Variants in WDFY3 observed in about 807,000 individuals in gnomAD.
WDFY3 encodes the protein WD repeat and FYVE domain-containing protein 3.
WDFY3 carries 66 observed loss-of-function variants against 409.6 expected under a neutral mutation model. The ratio of observed to expected loss-of-function variants is 0.16; its 90% confidence interval spans 0.13 to 0.20. The LOEUF (loss-of-function observed/expected upper bound fraction) is 0.20, where lower values mean the gene tolerates loss of function less well. WDFY3 is among the 10% of genes least tolerant of loss of function. The pLI is 1.00. For missense variants in WDFY3, 3,031 were observed against 4,298.1 expected (o/e 0.71, Z 8.24); for synonymous variants, 1,521 against 1,537.1 (o/e 0.99, Z 0.25).
chr4:84,821,211 C>G lies in WDFY3; in HGVS notation c.1464G>C (p.Lys488Asn), dbSNP rs1754009105. ...TAAATATGTAGTCATGTCTTGTAAA[C>G]TTAAGAAGTGTTTTCATTGCAATAA... ...CSIIAMKTLL[K>N]FTRHDYIFKD... is the part of the protein sequence containing the mutation. The change falls in exon 11 of 68, where the codon AAG becomes AAC. Residue 488 changes from lysine (K) to asparagine (N), a missense_variant. Lys to Asn is a moderately conservative substitution (Grantham distance 94). This residue lies in a region of WDFY3 where 1,322 missense variants were observed against 1,697.9 expected (regional missense o/e 0.78). Transcript: ENST00000295888. The G allele has an allele frequency of 6.2e-7, 1 of 1,613,602 alleles. No homozygotes were observed. Among genetic ancestry groups the G allele is most frequent in the Admixed American group, 1.7e-5 (1 of 59,854 alleles).
At chr4:84,708,706 A>C (rs1251460973) in intron 53 of WDFY3, among the ~76,000 whole-genome samples, 2 of 151,918 alleles carry the variant, frequency 1.3e-5, no homozygotes, top group Admixed American at 6.6e-5. Flanking sequence ...ACACCTGGCT[A>C]ATTTCTGTAA....
At chr4:84,708,842 C>A in intron 53 of WDFY3, 67 bp downstream of exon 53, 1 of 1,567,262 alleles carries the variant, frequency 6.4e-7, no homozygotes, top group Admixed American at 1.7e-5. Context: ...CACCCCACTT[C>A]AATTGTCGTA....
intron 3 of WDFY3, among the ~76,000 whole-genome samples, chr4:84,887,504 C>T (rs952847175): frequency 6.6e-6 from 1 of 152,144 alleles, no homozygotes; most frequent in African/African-American, 2.4e-5. Flanking sequence ...ATTAGCAGCT[C>T]AGGCTGGAGT....
chr4:84,674,909 T>G (rs1284294752), intron 67 of WDFY3, among the ~76,000 whole-genome samples: 1 of 151,796 alleles, frequency 6.6e-6, no homozygotes, highest in African/African-American at 2.4e-5. Flanking sequence ...TATATATATG[T>G]CTAGCGGCTC....
intron 15 of WDFY3, among the ~76,000 whole-genome samples, chr4:84,805,054 A>G (rs1253370707): frequency 6.6e-6 from 1 of 152,202 alleles, no homozygotes; most frequent in African/African-American, 2.4e-5. Flanking sequence ...CTGACCTTAT[A>G]TGATGGATCA....
chr4:84,793,749 C>T (rs1462549038), intron 21 of WDFY3, among the ~76,000 whole-genome samples: 1 of 152,154 alleles, frequency 6.6e-6, no homozygotes, highest in Admixed American at 6.5e-5. Context: ...TGATGCCTAG[C>T]TCTGTGCTAG....
Position 84,837,013 on chromosome 4 carries a change from T to G in WDFY3, c.492A>C (p.Pro164=). The G allele has an allele frequency of 6.2e-7, 1 of 1,602,468 alleles. No individual in the cohort carries two copies. Among genetic ancestry groups the G allele is most frequent in the Non-Finnish European group, 8.5e-7 (1 of 1,174,654 alleles). ...CACCTCCAACTGCCTCAGGCACATG[T>G]GGAAGGTCAAAAAACAGATATAAAC... ...VKCLYLFFDL[P]HVPEAVGGAQ... Residue 164 remains proline (P), a synonymous_variant, in exon 7 of 68, where the codon CCA becomes CCC. Transcript: ENST00000295888.
chr4:84,874,565 C>T (rs539814624), intron 3 of WDFY3, among the ~76,000 whole-genome samples: 4 of 152,166 alleles, frequency 2.6e-5, no homozygotes, highest in Admixed American at 2.6e-4. Flanking sequence ...TTCTGCCACA[C>T]TGAAAGTATC....
intron 50 of WDFY3, among the ~76,000 whole-genome samples, chr4:84,714,106 CTT>C (rs1250640618): frequency 6.8e-6 from 1 of 146,734 alleles, no homozygotes; most frequent in Non-Finnish European, 1.5e-5. Flanking sequence ...CAGAGCAAGA[CTT>C]TGTCTAAAAA....
rs1480821885 is a variant in WDFY3, at chr4:84,780,255, C to T, written c.4218G>A (p.Gln1406=). Residue 1406 remains glutamine, a synonymous_variant, in exon 26 of 68, where the codon CAG becomes CAA. Transcript: ENST00000295888. ...FVPKPVATTL[Q]YVGGAAAILG... Reference sequence around the variant, plus strand: ...GGATGGCTGCAGCTCCACCAACGTACTGCAAAGTAGTGGCAACAGGCTTAG... The same window carrying T: ...GGATGGCTGCAGCTCCACCAACGTATTGCAAAGTAGTGGCAACAGGCTTAG... 2 of 1,613,820 alleles carry T rather than the reference C, an allele frequency of 1.2e-6. No individual in the cohort carries two copies. The highest frequency in any genetic ancestry group is 2.7e-5 in the African/African-American group (2 of 75,052).
At chr4:84,742,795 T>A (rs544815912) in intron 37 of WDFY3, among the ~76,000 whole-genome samples, 1 of 152,310 alleles carries the variant, frequency 6.6e-6, no homozygotes, top group East Asian at 1.9e-4. Context: ...GTGGAAAAAC[T>A]GTCCTCCATG....
chr4:84,730,520 C>G (rs536393847), intron 44 of WDFY3, among the ~76,000 whole-genome samples: 5 of 152,244 alleles, frequency 3.3e-5, no homozygotes, highest in Non-Finnish European at 5.9e-5. Flanking sequence ...ATACTCCTAC[C>G]TTACTACACT....
At chr4:84,876,947 G>A (rs180751633) in intron 3 of WDFY3, among the ~76,000 whole-genome samples, 244 of 152,230 alleles carry the variant, frequency 1.6e-3, no homozygotes, top group Middle Eastern at 6.8e-3. Flanking sequence ...AACTTGCTTA[G>A]AGATAATTTC....
At chr4:84,754,929 A>T (rs1210949129) in intron 34 of WDFY3, among the ~76,000 whole-genome samples, 1 of 152,162 alleles carries the variant, frequency 6.6e-6, no homozygotes, top group Admixed American at 6.6e-5. Context: ...TTATGTGTAT[A>T]CACTATCTTA....
At chr4:84,874,588 A>G (rs188267316) in intron 3 of WDFY3, among the ~76,000 whole-genome samples, 122 of 152,240 alleles carry the variant, frequency 8.0e-4, no homozygotes, top group Non-Finnish European at 9.1e-4. Flanking sequence ...CCAGACTGTT[A>G]GGCCCTTTCA....
chr4:84,946,792 A>G (rs1186078790), intron 1 of WDFY3, among the ~76,000 whole-genome samples: 1 of 151,866 alleles, frequency 6.6e-6, no homozygotes, highest in Non-Finnish European at 1.5e-5. Context: ...GAACGAGGTT[A>G]ATTTAATCCT....
intron 36 of WDFY3, 138 bp from the exon 37 acceptor site, chr4:84,743,937 G>C (rs1339223746): frequency 2.4e-6 from 1 of 424,458 alleles, no homozygotes; most frequent in Non-Finnish European, 3.9e-6. Context: ...ATGAGAGATG[G>C]TATACATGCT....
intron 4 of WDFY3, among the ~76,000 whole-genome samples, chr4:84,854,301 A>G (rs1201712247): frequency 1.3e-5 from 2 of 152,156 alleles, no homozygotes; most frequent in East Asian, 1.9e-4. Context: ...GGCATTTTGT[A>G]TAAGAGGAAA....
intron 1 of WDFY3, among the ~76,000 whole-genome samples, chr4:84,946,629 CAA>C (rs1423130728): frequency 1.3e-5 from 2 of 151,970 alleles, no homozygotes; most frequent in Non-Finnish European, 2.9e-5. Flanking sequence ...GTTAAGCTAC[CAA>C]AGAGTGAGAT....
Sources: allele counts gnomAD v4.1 joint callset (sites outside exome capture counted in the v4.1 genomes callset), GRCh38; gene constraint gnomAD v4.1.1; regional missense constraint gnomAD v4.1.1; transcripts MANE v1.5; gene names NCBI Gene and HGNC (gene_info 2026-07-23, HGNC 2026-07-21).